ERC1: variants seen among roughly 807,000 people sequenced by gnomAD.
The protein encoded by ERC1 is ELKS/RAB6-interacting/CAST family member 1.
Under a neutral mutation model 132.0 loss-of-function variants are expected in ERC1, and 56 were observed. That is an observed-to-expected ratio of 0.42 (90% CI 0.34 to 0.53). The LOEUF (loss-of-function observed/expected upper bound fraction) is 0.53, where lower values mean the gene tolerates loss of function less well. Ranked by LOEUF, ERC1 falls within the 20% of genes least tolerant of loss-of-function variation. The pLI is 0.03. For synonymous variants in ERC1, 478 were observed against 476.1 expected, an observed-to-expected ratio of 1.00 and a Z score of -0.05; for missense variants, 1,202 against 1,349.9, an observed-to-expected ratio of 0.89 and a Z score of 1.72.
chr12:1,253,831 C>G (rs1027778663), intron 13 of ERC1, among the ~76,000 whole-genome samples: 12 of 152,282 alleles, frequency 7.9e-5, no homozygotes, highest in African/African-American at 2.9e-4. Flanking sequence ...CCCTGTTAAT[C>G]TGCCTGAGTG....
At chr12:1,023,570 A>G (rs1031039545) in intron 1 of ERC1, among the ~76,000 whole-genome samples, 1 of 152,206 alleles carries the variant, frequency 6.6e-6, no homozygotes, top group Non-Finnish European at 1.5e-5. Context: ...AAGGAGAAGT[A>G]AAAAAGTACT....
At chr12:1,040,895 G>A (rs1162414420) in intron 2 of ERC1, among the ~76,000 whole-genome samples, 1 of 152,096 alleles carries the variant, frequency 6.6e-6, no homozygotes, top group Non-Finnish European at 1.5e-5. Context: ...AGAGAATGTG[G>A]TATGCAAAGA....
chr12:1,189,879 A>T lies in ERC1; in HGVS notation c.2178A>T (p.Glu726Asp). 1 of 1,608,252 alleles carries T rather than the reference A, an allele frequency of 6.2e-7. No homozygotes were observed. The highest frequency in any genetic ancestry group is 1.7e-5 in the Admixed American group (1 of 58,762). ...QLKKAHEAAL[E>D]ARASPEMSDR... is the part of the protein sequence containing the mutation. ...TGTAGGCACATGAGGCAGCATTGGA[A>T]GCCAGAGCCAGTCCAGAGATGAGTG... Residue 726 changes from glutamate (E) to aspartate (D), a missense_variant, in exon 12 of 19, where the codon GAA (glutamate) becomes GAT (aspartate). Transcript: ENST00000360905.
intron 12 of ERC1, among the ~76,000 whole-genome samples, chr12:1,205,936 A>G (rs965271870): frequency 6.6e-6 from 1 of 152,060 alleles, no homozygotes; most frequent in Admixed American, 6.5e-5. Context: ...AAAGCTTCAG[A>G]AGAATTTGAC....
chr12:1,371,952 G>A lies in ERC1; in HGVS notation c.2900G>A (p.Arg967His), dbSNP rs772856192. Residue 967 changes from arginine to histidine, a missense_variant, in exon 16 of 19, where the codon CGT (arginine) becomes CAT (histidine). Arg to His is a conservative substitution (Grantham distance 29). Transcript: ENST00000360905. ...GCTGCCCTGAAGCGGGAGAAGGATC[G>A]TCTGGTACAGCAGCTTAAGCAGCAG... ...EVAALKREKD[R>H]LVQQLKQQTQ... The A allele has an allele frequency of 3.7e-6, 6 of 1,613,980 alleles. No individual in the cohort carries two copies. Among genetic ancestry groups the A allele is most frequent in the Middle Eastern group, 1.7e-4 (1 of 5,912 alleles).
intron 16 of ERC1, among the ~76,000 whole-genome samples, chr12:1,401,945 G>C (rs529071764): frequency 1.3e-5 from 2 of 152,096 alleles, no homozygotes; most frequent in Non-Finnish European, 1.5e-5. Context: ...ATCAAAGAGA[G>C]ATTAGGAGAC....
intron 17 of ERC1, among the ~76,000 whole-genome samples, chr12:1,421,489 A>G (rs1345076142): frequency 6.6e-6 from 1 of 151,988 alleles, no homozygotes; most frequent in African/African-American, 2.4e-5. Context: ...ATCTTCATAC[A>G]CTAAATCAGT....
intron 17 of ERC1, among the ~76,000 whole-genome samples, chr12:1,431,127 G>C (rs1030732138): frequency 6.6e-6 from 1 of 152,172 alleles, no homozygotes; most frequent in African/African-American, 2.4e-5. Flanking sequence ...GCTCCGGGGA[G>C]AACCACGAGC....
At chr12:1,204,118 C>T (rs1057411852) in intron 12 of ERC1, 1 of 174,018 alleles carries the variant, frequency 5.7e-6, no homozygotes, top group African/African-American at 2.4e-5. Context: ...TAAAACTAAG[C>T]AGACTAAAAT....
At chr12:1,040,517 G>A (rs1970025691) in intron 2 of ERC1, among the ~76,000 whole-genome samples, 1 of 151,596 alleles carries the variant, frequency 6.6e-6, no homozygotes, top group South Asian at 2.1e-4. Flanking sequence ...CGTGTTAGCC[G>A]GGATGGTCTC....
At position 1,255,417 on chromosome 12, in the gene ERC1, T is replaced by C. The variant is rs535530465; in HGVS notation, c.2488-7617T>C. ...GCCACAATAAACATTCGTGTGCATG[T>C]ATCTTTATTATAGAATGATTTATAA... On this transcript the variant is annotated intron_variant, in intron 13 of 18. Transcript: ENST00000360905. Among the ~76,000 whole-genome samples the C allele has an allele frequency of 3.3e-5, 5 of 152,246 alleles. No homozygotes were observed. The South Asian group carries it at 1.0e-3, about 32-fold the overall frequency.
chr12:1,434,101 C>G (rs1429948290), intron 17 of ERC1, among the ~76,000 whole-genome samples: 2 of 151,090 alleles, frequency 1.3e-5, no homozygotes, highest in African/African-American at 4.9e-5. Context: ...TGTCCCTTTT[C>G]TTTGCTTGAT....
chr12:1,175,853 C>T (rs1953656460), intron 8 of ERC1, among the ~76,000 whole-genome samples: 1 of 152,112 alleles, frequency 6.6e-6, no homozygotes, highest in South Asian at 2.1e-4. Context: ...CAGATTTTAT[C>T]ATGAAGTTGC....
At chr12:1,279,237 G>A (rs1199217508) in intron 14 of ERC1, among the ~76,000 whole-genome samples, 1 of 152,006 alleles carries the variant, frequency 6.6e-6, no homozygotes, top group East Asian at 1.9e-4. Flanking sequence ...TACCAGATGG[G>A]GTCAGTAGAT....
chr12:1,116,276 A>G (rs1433934788), intron 7 of ERC1: 4 of 353,144 alleles, frequency 1.1e-5, no homozygotes, highest in African/African-American at 2.1e-5. Flanking sequence ...CCAAGTCTGT[A>G]CTTCAAAGTA....
intron 18 of ERC1, among the ~76,000 whole-genome samples, chr12:1,486,083 C>G (rs2094210876): frequency 6.6e-6 from 1 of 152,222 alleles, no homozygotes; most frequent in African/African-American, 2.4e-5. Context: ...ACCCAACACT[C>G]TTCTAATTAT....
At chr12:1,369,780 T>C (rs935462903) in intron 15 of ERC1, among the ~76,000 whole-genome samples, 1 of 152,230 alleles carries the variant, frequency 6.6e-6, no homozygotes, top group African/African-American at 2.4e-5. Flanking sequence ...TGCCATTTCT[T>C]AGAATTACGT....
intron 14 of ERC1, among the ~76,000 whole-genome samples, chr12:1,269,451 T>C (rs1594679749): frequency 1.3e-5 from 2 of 152,246 alleles, no homozygotes; most frequent in South Asian, 4.1e-4. Flanking sequence ...GGAAGACTAA[T>C]ATGACTGGCG....
rs35902573 is a variant in ERC1, at chr12:1,341,069, C to CTTT, written c.2781-30724_2781-30722dup. 1.6e-3 allele frequency among the ~76,000 whole-genome samples: 102 copies of CTTT among 63,076 alleles called. 14 individuals are homozygous for CTTT. Among genetic ancestry groups the CTTT allele is most frequent in the East Asian group, 5.8e-3 (8 of 1,368 alleles). The allele number at this position is 63,076 out of a possible 152,430, so 41.4% of individuals were successfully genotyped here. On this transcript the variant is annotated intron_variant, in intron 15 of 18. Transcript: ENST00000360905. ...AATGTCCACTTATTCTTTTCTTTTT[C>CTTT]TTTTTTTTTTTTTTTTTTTTTTTTT...
Sources: allele counts gnomAD v4.1 joint callset (sites outside exome capture counted in the v4.1 genomes callset), GRCh38; gene constraint gnomAD v4.1.1; transcripts MANE v1.5; gene names NCBI Gene and HGNC (gene_info 2026-07-23, HGNC 2026-07-21).